The following RIMS2 variants were observed in gnomAD, a reference collection of about 807,000 sequenced individuals.
RIMS2 encodes regulating synaptic membrane exocytosis protein 2.
A neutral mutation model predicts 174.4 loss-of-function variants in RIMS2; 59 were observed. The observed-to-expected ratio is 0.34, with a 90% CI of 0.27 to 0.42. The LOEUF (loss-of-function observed/expected upper bound fraction) is 0.42. Among genes scored for constraint, RIMS2 ranks in the 10% least tolerant of loss-of-function variants. The probability of loss-of-function intolerance (pLI) is 1.00; values close to 1 mark genes in which losing one functional copy is unlikely to be tolerated. For synonymous variants in RIMS2, 606 were observed against 572.5 expected, an observed-to-expected ratio of 1.06 and a Z score of -0.84; for missense variants, 1,620 against 1,666.3, an observed-to-expected ratio of 0.97 and a Z score of 0.48.
chr8:103,859,773 A>G (rs1298689753), intron 3 of RIMS2, among the ~76,000 whole-genome samples: 1 of 152,078 alleles, frequency 6.6e-6, no homozygotes, highest in Admixed American at 6.6e-5. Context: ...CAGGGTAATT[A>G]CTTGTTATGT....
intron 1 of RIMS2, among the ~76,000 whole-genome samples, chr8:103,655,213 A>C (rs1009659574): frequency 6.6e-6 from 1 of 151,936 alleles, no homozygotes; most frequent in Non-Finnish European, 1.5e-5. Flanking sequence ...CCCTTTGTAG[A>C]AACTGCTTAA....
At chr8:104,172,162 A>C (rs79509546) in intron 19 of RIMS2, among the ~76,000 whole-genome samples, 3,360 of 152,338 alleles carry the variant, frequency 0.022, 123 homozygotes, top group African/African-American at 0.076. Context: ...GTAGGCAATC[A>C]TTGTAGCTAA....
intron 17 of RIMS2, among the ~76,000 whole-genome samples, chr8:103,994,382 G>A (rs867715481): frequency 5.9e-5 from 9 of 151,826 alleles, no homozygotes; most frequent in Non-Finnish European, 1.2e-4. Flanking sequence ...TTTTGTTTTT[G>A]CTTTTTAAAA....
intron 2 of RIMS2, among the ~76,000 whole-genome samples, chr8:103,732,702 A>G (rs2097619734): frequency 6.6e-6 from 1 of 152,108 alleles, no homozygotes; most frequent in South Asian, 2.1e-4. Flanking sequence ...TCCAAAGAGG[A>G]CTTTCCCTTC....
At chr8:103,854,877 A>G (rs937264077) in intron 3 of RIMS2, among the ~76,000 whole-genome samples, 2 of 152,060 alleles carry the variant, frequency 1.3e-5, no homozygotes, top group African/African-American at 4.8e-5. Flanking sequence ...TGCTGATTTC[A>G]TAGAATAAGT....
chr8:103,716,688 AC>A, intron 2 of RIMS2, among the ~76,000 whole-genome samples: 1 of 152,150 alleles, frequency 6.6e-6, no homozygotes. Context: ...TAAAATCTTA[AC>A]CTTCTGACTT....
intron 19 of RIMS2, among the ~76,000 whole-genome samples, chr8:104,115,861 T>A (rs992713234): frequency 1.3e-5 from 2 of 152,152 alleles, no homozygotes; most frequent in Non-Finnish European, 2.9e-5. Context: ...AGATCTGCTG[T>A]TTCAGGAGAT....
chr8:104,104,045 A>G (rs1263848670), intron 19 of RIMS2, among the ~76,000 whole-genome samples: 1 of 152,236 alleles, frequency 6.6e-6, no homozygotes, highest in South Asian at 2.1e-4. Flanking sequence ...GATCAGAAAC[A>G]TAGCTGGATA....
At position 103,760,689 on chromosome 8, in the gene RIMS2, A is replaced by G. The variant is rs74719015; in HGVS notation, c.388-5538A>G. On this transcript the variant is annotated intron_variant, in intron 2 of 23. Transcript: ENST00000504942. Reference sequence around the variant, plus strand: ...CAATGTGGGCCAGAGGGAAAGATCTATGGTGGGACTGCATTCCTTTTGTAA... The same window carrying G: ...CAATGTGGGCCAGAGGGAAAGATCTGTGGTGGGACTGCATTCCTTTTGTAA... Among the ~76,000 whole-genome samples, 941 of 152,262 alleles carry G rather than the reference A, an allele frequency of 6.2e-3. 12 individuals carry two copies. Among genetic ancestry groups the G allele is most frequent in the African/African-American group, 0.021 (891 of 41,554 alleles).
intron 19 of RIMS2, among the ~76,000 whole-genome samples, chr8:104,024,519 T>A (rs1404658963): frequency 2.0e-5 from 3 of 152,104 alleles, no homozygotes; most frequent in African/African-American, 7.2e-5. Context: ...TGTGTTCTCT[T>A]TGCATGGACT....
chr8:103,963,176 AG>A (rs1262186802), intron 15 of RIMS2, among the ~76,000 whole-genome samples: 2 of 152,166 alleles, frequency 1.3e-5, no homozygotes, highest in African/African-American at 4.8e-5. Context: ...AAATAATTTA[AG>A]GACCACCAGA....
chr8:103,748,647 G>A (rs997671467), intron 2 of RIMS2, among the ~76,000 whole-genome samples: 3 of 151,614 alleles, frequency 2.0e-5, no homozygotes, highest in Non-Finnish European at 2.9e-5. Context: ...TTACATCTTC[G>A]GTTCTCTTCA....
chr8:103,906,222 A>G (rs931498823), intron 4 of RIMS2, among the ~76,000 whole-genome samples: 1 of 151,932 alleles, frequency 6.6e-6, no homozygotes, highest in Non-Finnish European at 1.5e-5. Flanking sequence ...CTTATACATG[A>G]CAGTTTTTTG....
intron 2 of RIMS2, among the ~76,000 whole-genome samples, chr8:103,737,175 CTTTTTTT>C (rs554949027): frequency 1.2e-4 from 8 of 67,508 alleles, no homozygotes; most frequent in African/African-American, 3.1e-4. Context: ...TTTCTTTGTT[CTTTTTTT>C]TTTTTTTTTT....
intron 3 of RIMS2, among the ~76,000 whole-genome samples, chr8:103,770,920 C>T (rs1056916533): frequency 6.6e-6 from 1 of 152,108 alleles, no homozygotes; most frequent in Non-Finnish European, 1.5e-5. Context: ...ATTCAGAAAC[C>T]AGTGGCTTCA....
At chr8:103,525,449 T>A (rs1327777057) in intron 1 of RIMS2, among the ~76,000 whole-genome samples, 6 of 152,182 alleles carry the variant, frequency 3.9e-5, no homozygotes, top group Admixed American at 2.0e-4. Flanking sequence ...ACCCACTGTT[T>A]GTATGGATCA....
intron 1 of RIMS2, among the ~76,000 whole-genome samples, chr8:103,590,183 T>C (rs114993098): frequency 0.01 from 1,526 of 151,372 alleles, 28 homozygotes; most frequent in African/African-American, 0.035. Context: ...TCAAAACATA[T>C]CATGTATCCC....
At chr8:103,670,254 G>A (rs192008798) in intron 1 of RIMS2, among the ~76,000 whole-genome samples, 124 of 152,320 alleles carry the variant, frequency 8.1e-4, no homozygotes, top group African/African-American at 2.7e-3. Context: ...TAGGCTGCAC[G>A]CAGCAGGGGG....
intron 3 of RIMS2, among the ~76,000 whole-genome samples, chr8:103,782,789 T>G (rs959319331): frequency 5.9e-5 from 9 of 152,192 alleles, no homozygotes; most frequent in African/African-American, 2.2e-4. Flanking sequence ...TTTTTTCTTT[T>G]AAAACTCTGT....
Sources: gnomAD v4.1 joint callset for allele counts (sites outside exome capture counted in the v4.1 genomes callset) on GRCh38, gnomAD v4.1.1 for gene constraint, MANE v1.5 for transcripts, NCBI Gene and HGNC (gene_info 2026-07-23, HGNC 2026-07-21) for gene names.